The following CDC42BPA variants were observed in gnomAD, a reference collection of about 807,000 sequenced individuals.
CDC42BPA encodes the protein serine/threonine-protein kinase MRCK alpha.
In CDC42BPA, 80 loss-of-function variants were observed where a neutral mutation model predicts 223.5. That is an observed-to-expected ratio of 0.36 (90% CI 0.30 to 0.43). The LOEUF is 0.43. Among genes scored for constraint, CDC42BPA ranks in the 20% least tolerant of loss-of-function variants. The probability of loss-of-function intolerance (pLI) is 1.00; values close to 1 mark genes in which losing one functional copy is unlikely to be tolerated. For synonymous variants in CDC42BPA, 694 were observed against 718.6 expected, an observed-to-expected ratio of 0.97 and a Z score of 0.55; for missense variants, 1,743 against 2,099.9, an observed-to-expected ratio of 0.83 and a Z score of 3.32.
intron 1 of CDC42BPA, among the ~76,000 whole-genome samples, chr1:227,316,563 T>A (rs1202322122): frequency 6.6e-6 from 1 of 152,250 alleles, no homozygotes; most frequent in East Asian, 1.9e-4. Flanking sequence ...CAGCTTTCTG[T>A]TGACCTAAGG....
chr1:227,275,703 C>A (rs928062291), intron 1 of CDC42BPA, among the ~76,000 whole-genome samples: 5 of 151,784 alleles, frequency 3.3e-5, no homozygotes, highest in Non-Finnish European at 7.4e-5. Flanking sequence ...AACCTCCCTG[C>A]CTGATTCTCC....
intron 19 of CDC42BPA, among the ~76,000 whole-genome samples, chr1:227,072,778 C>T (rs901863732): frequency 4.6e-5 from 7 of 152,002 alleles, no homozygotes; most frequent in African/African-American, 1.7e-4. Context: ...GGCTCATCTT[C>T]CTGACTTATG....
At chr1:227,306,659 T>A (rs548032098) in intron 1 of CDC42BPA, among the ~76,000 whole-genome samples, 1 of 152,322 alleles carries the variant, frequency 6.6e-6, no homozygotes, top group South Asian at 2.1e-4. Flanking sequence ...CTTTATGATA[T>A]CATATGTCAG....
chr1:227,279,351 G>A (rs1199700164), intron 1 of CDC42BPA, among the ~76,000 whole-genome samples: 2 of 152,010 alleles, frequency 1.3e-5, no homozygotes, highest in Non-Finnish European at 2.9e-5. Flanking sequence ...AGTGATGGAG[G>A]TACTGCTTTC....
At chr1:227,230,800 T>C (rs1677714843) in intron 2 of CDC42BPA, among the ~76,000 whole-genome samples, 2 of 143,408 alleles carry the variant, frequency 1.4e-5, no homozygotes, top group South Asian at 4.4e-4. Context: ...AACTGATTTC[T>C]ATTTCTTTTT....
chr1:227,041,242 C>A lies in CDC42BPA; in HGVS notation c.3094-1006G>T, dbSNP rs148780294. On this transcript the variant is annotated intron_variant, in intron 23 of 36. Coordinates refer to ENST00000366766, the MANE Select transcript of CDC42BPA (RefSeq NM_001394014.1). ...TGCTGAAGTTTAGGGCATGACCGAT[C>A]CATATTACCCAGGTACTGAGCACAG... Among the ~76,000 whole-genome samples the A allele has an allele frequency of 2.2e-4, 34 of 152,230 alleles. No individual in the cohort carries two copies. The East Asian group carries it at 5.4e-3, about 24-fold the overall frequency.
intron 2 of CDC42BPA, among the ~76,000 whole-genome samples, chr1:227,248,376 C>A (rs550214628): frequency 1.2e-3 from 180 of 151,930 alleles, no homozygotes; most frequent in Non-Finnish European, 1.6e-3. Flanking sequence ...CACACACACA[C>A]AAAAAAACTT....
Position 227,199,556 on chromosome 1 carries a change from C to T in CDC42BPA, c.450+1G>A. The T allele has an allele frequency of 6.6e-7, 1 of 1,505,788 alleles. No homozygotes were observed. The highest frequency in any genetic ancestry group is 9.2e-7 in the Non-Finnish European group (1 of 1,086,012). The allele number at this position is 1,505,788 out of a possible 1,614,324, so 93.3% of individuals were successfully genotyped here. The stretch of plus-strand genomic sequence containing the variant: ...TATAGAAATACAAAAATGATTCTTA[C>T]TAAGTTATTGTCATCCTGGAAAGCA... On this transcript the variant is annotated splice_donor_variant, in intron 4 of 36. Coordinates refer to ENST00000366766, the MANE Select transcript of CDC42BPA (RefSeq NM_001394014.1). LOFTEE classifies it high-confidence loss of function.
chr1:227,199,938 T>C (rs914757364), intron 3 of CDC42BPA, among the ~76,000 whole-genome samples: 6 of 152,158 alleles, frequency 3.9e-5, no homozygotes, highest in African/African-American at 1.4e-4. Flanking sequence ...ATCCAGATAA[T>C]ATAAATGTCT....
chr1:227,055,608 T>G (rs926079418), intron 21 of CDC42BPA, among the ~76,000 whole-genome samples: 1 of 152,046 alleles, frequency 6.6e-6, no homozygotes, highest in African/African-American at 2.4e-5. Flanking sequence ...AAAACAAACA[T>G]AATCATTATT....
At chr1:227,098,333 T>C (rs953059860) in intron 15 of CDC42BPA, among the ~76,000 whole-genome samples, 1 of 152,176 alleles carries the variant, frequency 6.6e-6, no homozygotes, top group South Asian at 2.1e-4. Context: ...TTAAATGCCA[T>C]GGAAGTGATA....
rs1456282279 is a variant in CDC42BPA at position 227,046,946 on chromosome 1, ATT to A, written c.3093+979_3093+980del. On this transcript the variant is annotated intron_variant, in intron 23 of 36. Coordinates refer to ENST00000366766, the MANE Select transcript of CDC42BPA (RefSeq NM_001394014.1). ...TATGAAAAAATCTGATGATAATCTC[ATT>A]TTCTTTCCCCTTTAAGTGACATATT... Among the ~76,000 whole-genome samples the A allele has an allele frequency of 4.6e-5, 7 of 152,016 alleles. No individual in the cohort carries two copies. The East Asian group carries it at 1.4e-3, about 29-fold the overall frequency.
intron 20 of CDC42BPA, 24 bp downstream of exon 20, chr1:227,072,184 T>G (rs1484896550): frequency 1.5e-6 from 2 of 1,291,536 alleles, no homozygotes; most frequent in Non-Finnish European, 2.2e-6. Flanking sequence ...AAGTCCTGAG[T>G]GAGGCAAACA....
At chr1:227,264,042 A>ATTTATACTT in intron 1 of CDC42BPA, among the ~76,000 whole-genome samples, 1 of 152,306 alleles carries the variant, frequency 6.6e-6, no homozygotes. Flanking sequence ...GCAGAATATA[A>ATTTATACTT]TTTATACTTC....
intron 1 of CDC42BPA, among the ~76,000 whole-genome samples, chr1:227,260,675 G>GT (rs1225189846): frequency 6.6e-6 from 1 of 151,178 alleles, no homozygotes; most frequent in African/African-American, 2.5e-5. Context: ...AGAACAGAGA[G>GT]TGCTGGAGCA....
At chr1:227,253,270 G>GAGAGAGAGCA (rs1558876147) in intron 2 of CDC42BPA, among the ~76,000 whole-genome samples, 3 of 152,100 alleles carry the variant, frequency 2.0e-5, no homozygotes, top group Admixed American at 6.5e-5. Context: ...GAGAGAGAGC[G>GAGAGAGAGCA]CGCGCGCGTG....
intron 2 of CDC42BPA, among the ~76,000 whole-genome samples, chr1:227,236,654 A>C (rs1366977230): frequency 6.6e-6 from 1 of 152,326 alleles, no homozygotes; most frequent in East Asian, 1.9e-4. Flanking sequence ...TATATAACTA[A>C]AACTCAGATC....
intron 35 of CDC42BPA, among the ~76,000 whole-genome samples, chr1:227,001,756 A>C (rs1426743362): frequency 6.6e-6 from 1 of 151,878 alleles, no homozygotes; most frequent in Non-Finnish European, 1.5e-5. Context: ...AAAATACAGA[A>C]ATTGGCTGGG....
At chr1:226,999,584 C>T (rs1662349901) in intron 35 of CDC42BPA, among the ~76,000 whole-genome samples, 1 of 152,140 alleles carries the variant, frequency 6.6e-6, no homozygotes, top group African/African-American at 2.4e-5. Context: ...TTTGACCCAG[C>T]AATCCCATTA....
Sources: gnomAD v4.1 joint callset for allele counts (sites outside exome capture counted in the v4.1 genomes callset) on GRCh38, gnomAD v4.1.1 for gene constraint, MANE v1.5 for transcripts, NCBI Gene and HGNC (gene_info 2026-07-23, HGNC 2026-07-21) for gene names.